Variants in RFX1 observed in about 807,000 individuals in gnomAD.
RFX1 encodes MHC class II regulatory factor RFX1.
RFX1 carries 42 observed loss-of-function variants against 119.6 expected under a neutral mutation model. The ratio of observed to expected loss-of-function variants is 0.35; its 90% CI spans 0.27 to 0.45. The LOEUF (loss-of-function observed/expected upper bound fraction) is 0.45, where lower values mean the gene tolerates loss of function less well. Among genes scored for constraint, RFX1 ranks in the 20% least tolerant of loss-of-function variants. RFX1 has a pLI of 1.00. For synonymous variants in RFX1, 628 were observed against 618.5 expected (o/e 1.02, Z -0.23); for missense variants, 1,118 against 1,368.1 (o/e 0.82, Z 2.88).
intron 1 of RFX1, among the ~76,000 whole-genome samples, chr19:14,003,241 C>T (rs2145648191): frequency 6.6e-6 from 1 of 152,330 alleles, no homozygotes; most frequent in Middle Eastern, 3.4e-3. Flanking sequence ...CCACCTTGGC[C>T]TCTCAAAGTG....
intron 1 of RFX1, among the ~76,000 whole-genome samples, chr19:14,005,068 C>T (rs966566656): frequency 6.6e-6 from 1 of 152,170 alleles, no homozygotes; most frequent in Admixed American, 6.6e-5. Context: ...AAGAAACTTC[C>T]TCAGGCTTCA....
intron 1 of RFX1, among the ~76,000 whole-genome samples, chr19:13,995,851 CAAAAAAAAAAAAAAAAAAA>C (rs57542235): frequency 2.8e-5 from 1 of 35,632 alleles, no homozygotes; most frequent in African/African-American, 7.1e-5. Context: ...ACTCTGTCTC[CAAAAAAAAAAAAAAAAAAA>C]AAAAAAAATT....
intron 16 of RFX1, among the ~76,000 whole-genome samples, chr19:13,964,663 G>T (rs781586791): frequency 2.0e-5 from 3 of 152,068 alleles, no homozygotes; most frequent in Non-Finnish European, 2.9e-5. Context: ...TGTATTTTTA[G>T]TAGAGACAAG....
In RFX1 at chr19:13,969,772, A is replaced by G. The variant is rs1974015683; in HGVS notation, c.1496+222T>C. 3 of 466,330 alleles carry G rather than the reference A, an allele frequency of 6.4e-6. No homozygotes were observed. The highest frequency in any genetic ancestry group is 3.8e-5 in the Admixed American group (1 of 26,324). 28.9% of individuals were successfully genotyped at this position (466,330 alleles called of 1,614,324 possible). On this transcript the variant is annotated intron_variant, in intron 10 of 20. Transcript: ENST00000254325. The surrounding 1 kb of genome is among the most constrained non-coding windows in gnomAD (Gnocchi z 4.5). Reference sequence around the variant, plus strand: ...GGGAGGCTGCAGTTTTAGTTGAGGCAGTCAGGGGACGTGCAAGTAAGGAGG... The same window carrying G: ...GGGAGGCTGCAGTTTTAGTTGAGGCGGTCAGGGGACGTGCAAGTAAGGAGG...
At chr19:14,003,512 C>T (rs1975283062) in intron 1 of RFX1, among the ~76,000 whole-genome samples, 1 of 151,454 alleles carries the variant, frequency 6.6e-6, no homozygotes, top group Non-Finnish European at 1.5e-5. Flanking sequence ...CGGTGTATTT[C>T]CGAGGGTTGA....
chr19:13,962,517 C>T lies in RFX1; in HGVS notation c.*178G>A. On this transcript the variant is annotated 3_prime_UTR_variant, in exon 21 of 21. Coordinates refer to ENST00000254325, the MANE Select transcript of RFX1 (RefSeq NM_002918.5). ...GTGTCAGAGTTTGCAGCTGCGGCTCCGCCCAGCCCACTGATTGTGCCGGCC... is the reference window on the plus strand; with the variant it reads ...GTGTCAGAGTTTGCAGCTGCGGCTCTGCCCAGCCCACTGATTGTGCCGGCC... The T allele has an allele frequency of 1.7e-6, 1 of 576,564 alleles. No homozygotes were observed. The highest frequency in any genetic ancestry group is 2.9e-6 in the Non-Finnish European group (1 of 339,110). The allele number at this position is 576,564 out of a possible 1,614,324, so 35.7% of individuals were successfully genotyped here. A position where few individuals can be genotyped will look rare whatever the true frequency, so the allele number is the denominator to read the frequency against.
intron 1 of RFX1, among the ~76,000 whole-genome samples, chr19:14,005,631 G>C (rs1448275289): frequency 6.6e-6 from 1 of 152,214 alleles, no homozygotes; most frequent in Non-Finnish European, 1.5e-5. Flanking sequence ...AAGCTCTTAA[G>C]GAAGAAGGGA....
At chr19:13,970,810 C>T (rs1974055834) in intron 9 of RFX1, among the ~76,000 whole-genome samples, 1 of 150,832 alleles carries the variant, frequency 6.6e-6, no homozygotes, top group African/African-American at 2.4e-5. Flanking sequence ...ATTGTGAAAC[C>T]CCGTCTCTAC....
chr19:13,969,027 G>A lies in RFX1; in HGVS notation c.1497-133C>T, dbSNP rs1973993855. On this transcript the variant is annotated intron_variant, in intron 10 of 20. Coordinates refer to ENST00000254325, the MANE Select transcript of RFX1 (RefSeq NM_002918.5). The surrounding 1 kb of genome is among the most constrained non-coding windows in gnomAD (Gnocchi z 4.5). ...GAGACGCCTGCCCTGCAGAGACGGG[G>A]GTGCTGCACTGAGGAGGCACAGGGG... is the stretch of plus-strand genomic sequence containing the variant. 14 of 1,029,062 alleles carry A rather than the reference G, an allele frequency of 1.4e-5. No homozygotes were observed. Among genetic ancestry groups the A allele is most frequent in the Non-Finnish European group, 1.9e-5 (14 of 720,362 alleles). 63.7% of individuals were successfully genotyped at this position (1,029,062 alleles called of 1,614,324 possible). A position where few individuals can be genotyped will look rare whatever the true frequency, so the allele number is the denominator to read the frequency against.
In RFX1 at chr19:13,964,013, T is replaced by C. The variant is rs1051174425; in HGVS notation, c.2212-6A>G. ...AAGGCGCCAGCCGCGGCCACCTGCG[T>C]GCAGGGATTGAGGGGCTTGCTGCTT... On this transcript the variant is annotated splice_polypyrimidine_tract_variant and splice_region_variant and intron_variant, in intron 16 of 20. Transcript: ENST00000254325. 2.0e-6 allele frequency: 3 copies of C among 1,531,860 alleles called. No individual in the cohort carries two copies. The highest frequency in any genetic ancestry group is 2.7e-5 in the African/African-American group (2 of 72,880). 94.9% of individuals were successfully genotyped at this position (1,531,860 alleles called of 1,614,324 possible). A position where few individuals can be genotyped will look rare whatever the true frequency, so the allele number is the denominator to read the frequency against.
At chr19:13,991,822 C>T (rs951511446) in intron 2 of RFX1, among the ~76,000 whole-genome samples, 3 of 152,092 alleles carry the variant, frequency 2.0e-5, no homozygotes, top group Admixed American at 6.6e-5. Flanking sequence ...CCACCACGCC[C>T]AGCTAATTTT....
chr19:13,992,979 A>G (rs1326136368), intron 2 of RFX1, among the ~76,000 whole-genome samples: 1 of 152,138 alleles, frequency 6.6e-6, no homozygotes, highest in Non-Finnish European at 1.5e-5. Flanking sequence ...AAAAAATACA[A>G]AAAAACAAAA....
chr19:13,967,777 C>T (rs1316283025), intron 12 of RFX1, among the ~76,000 whole-genome samples: 1 of 152,170 alleles, frequency 6.6e-6, no homozygotes, highest in Non-Finnish European at 1.5e-5. Context: ...TGCACCAGGC[C>T]TTACTTTTAG....
rs1973722740 is a variant in RFX1, at chr19:13,962,510, G to A, written c.*185C>T. Reference sequence around the variant, plus strand: ...GTCTTTTGTGTCAGAGTTTGCAGCTGCGGCTCCGCCCAGCCCACTGATTGT... The same window carrying A: ...GTCTTTTGTGTCAGAGTTTGCAGCTACGGCTCCGCCCAGCCCACTGATTGT... On this transcript the variant is annotated 3_prime_UTR_variant, in exon 21 of 21. Coordinates refer to ENST00000254325, the MANE Select transcript of RFX1 (RefSeq NM_002918.5). The A allele has an allele frequency of 1.8e-6, 1 of 563,672 alleles. No individual in the cohort carries two copies. Among genetic ancestry groups the A allele is most frequent in the Non-Finnish European group, 3.0e-6 (1 of 328,662 alleles). 34.9% of individuals were successfully genotyped at this position (563,672 alleles called of 1,614,324 possible). A position where few individuals can be genotyped will look rare whatever the true frequency, so the allele number is the denominator to read the frequency against.
chr19:13,970,281 C>A (rs1357932891), intron 9 of RFX1, 106 bp from the exon 10 acceptor site: 16 of 941,894 alleles, frequency 1.7e-5, no homozygotes, highest in Non-Finnish European at 2.2e-5. Flanking sequence ...ATCCTGACAG[C>A]CACGCCCACA....
rs1555752506 is a variant in RFX1 at position 13,979,490 on chromosome 19, G to A, written c.791C>T (p.Pro264Leu). The A allele has an allele frequency of 6.2e-6, 10 of 1,601,754 alleles. No individual in the cohort carries two copies. Among genetic ancestry groups the A allele is most frequent in the Non-Finnish European group, 8.5e-6 (10 of 1,173,506 alleles). Residue 264 changes from proline to leucine, a missense_variant, in exon 7 of 21, where the codon CCG becomes CTG. Physicochemically the swap from Pro to Leu is moderately conservative, Grantham distance 98. Transcript: ENST00000254325. ...PQAPKPGPVQ[P>L]LTVQGLQPVH... is the part of the protein sequence containing the mutation. ...TGGCTGGAGGCCCTGCACGGTCAGCGGCTGCACCGGGCCGGGTTTGGGCGC... is the reference window on the plus strand; with the variant it reads ...TGGCTGGAGGCCCTGCACGGTCAGCAGCTGCACCGGGCCGGGTTTGGGCGC...
chr19:13,984,083 A>G (rs1274355857), intron 2 of RFX1, among the ~76,000 whole-genome samples: 5 of 151,216 alleles, frequency 3.3e-5, no homozygotes, highest in Admixed American at 6.6e-5. Context: ...CCTGTGGCCA[A>G]GTCCTCCCTC....
At position 13,969,880 on chromosome 19, in the gene RFX1, G is replaced by C; in HGVS notation, c.1496+114C>G. ...AGCGGGGCTGTCGAGGAGCCTCGCA[G>C]AGGCCGGCGGGACTGGGCTGGACTG... On this transcript the variant is annotated intron_variant, in intron 10 of 20. Coordinates refer to ENST00000254325, the MANE Select transcript of RFX1 (RefSeq NM_002918.5). This position sits in a 1 kb window ranked among gnomAD's most constrained non-coding sequence, Gnocchi z 4.5. 1 of 1,104,054 alleles carries C rather than the reference G, an allele frequency of 9.1e-7. No individual in the cohort carries two copies. Among genetic ancestry groups the C allele is most frequent in the Non-Finnish European group, 1.3e-6 (1 of 782,860 alleles). The allele number at this position is 1,104,054 out of a possible 1,614,324, so 68.4% of individuals were successfully genotyped here. A position where few individuals can be genotyped will look rare whatever the true frequency, so the allele number is the denominator to read the frequency against.
rs1164135367 is a variant in RFX1, at chr19:13,962,770, C to G, written c.2865G>C (p.Glu955Asp). The G allele has an allele frequency of 6.5e-7, 1 of 1,530,582 alleles. No individual in the cohort carries two copies. The highest frequency in any genetic ancestry group is 2.0e-5 in the Admixed American group (1 of 50,260). The allele number at this position is 1,530,582 out of a possible 1,614,324, so 94.8% of individuals were successfully genotyped here. Residue 955 changes from glutamate to aspartate, a missense_variant, in exon 21 of 21, where the codon GAG becomes GAC. Around this residue, in one of 5 missense-constraint regions of RFX1, gnomAD observed 138 missense variants for 117.8 expected, o/e 1.17. Transcript: ENST00000254325. ...CCAGCTTGGCCGGCGGCTCCAGGGT[C>G]TCCGGGCCCAGCGCGGGTGACTCGC... ...AGGESPALGP[E>D]TLEPPAKLAR... is the part of the protein sequence containing the mutation.
Sources: gnomAD v4.1 joint callset for allele counts (sites outside exome capture counted in the v4.1 genomes callset) on GRCh38, gnomAD v4.1.1 for gene constraint, gnomAD v4.1.1 regional missense constraint, Gnocchi (gnomAD v3.1) non-coding constraint, MANE v1.5 for transcripts, NCBI Gene and HGNC (gene_info 2026-07-23, HGNC 2026-07-21) for gene names.